Variants in PSMA7 observed in about 807,000 individuals in gnomAD.
PSMA7 encodes proteasome 20S subunit alpha 7.
PSMA7 carries 5 observed loss-of-function variants against 31.3 expected under a neutral mutation model. The ratio of observed to expected loss-of-function variants is 0.16; its 90% confidence interval spans 0.08 to 0.34. The LOEUF (loss-of-function observed/expected upper bound fraction) is 0.34. PSMA7 is among the 10% of genes least tolerant of loss of function. The pLI, the probability that PSMA7 is intolerant of heterozygous loss-of-function variation, is 1.00. For synonymous variants in PSMA7, 155 were observed against 121.9 expected (o/e 1.27, Z -1.79); for missense variants, 217 against 327.5 (o/e 0.66, Z 2.60).
chr20:62,139,083 C>A lies in PSMA7; in HGVS notation c.463G>T (p.Ala155Ser). The A allele has an allele frequency of 6.8e-6, 11 of 1,613,926 alleles. No homozygotes were observed. The highest frequency in any genetic ancestry group is 9.3e-6 in the Non-Finnish European group (11 of 1,179,896). ...CTTTGTCACGAACTCACCTTCCAGG[C>A]ATGGTATGTGCCCGAGGGGTCAGTC... ...YQTDPSGTYH[A>S]WKANAIGRGA... Residue 155 changes from alanine (A) to serine (S), a missense_variant, in exon 4 of 7, where the codon GCC (alanine) becomes TCC (serine). Ala to Ser is a moderately conservative substitution (Grantham distance 99). Around this residue, in one of 3 missense-constraint regions of PSMA7, gnomAD observed 88 missense variants for 111.6 expected, o/e 0.79. Coordinates refer to ENST00000370873, the MANE Select transcript of PSMA7 (RefSeq NM_002792.4).
Position 62,143,268 on chromosome 20 carries a change from G to A in PSMA7, c.36C>T (p.Pro12=), listed in dbSNP as rs1267992373. The change falls in exon 1 of 7, where the codon CCC becomes CCT. Residue 12 remains proline, a synonymous_variant. Coordinates refer to ENST00000370873, the MANE Select transcript of PSMA7 (RefSeq NM_002792.4). ...ACTCCACTTGGAAGAGGTGGCCGTCGGGCGAGAAGACGGTGATGGCGCGGT... is the reference window on the plus strand; with the variant it reads ...ACTCCACTTGGAAGAGGTGGCCGTCAGGCGAGAAGACGGTGATGGCGCGGT... The part of the protein sequence containing the change: ...SYDRAITVFS[P]DGHLFQVEYA... The A allele has an allele frequency of 6.8e-7, 1 of 1,478,406 alleles. No individual in the cohort carries two copies. The highest frequency in any genetic ancestry group is 1.2e-5 in the South Asian group (1 of 83,870). 91.6% of individuals were successfully genotyped at this position (1,478,406 alleles called of 1,614,324 possible).
At chr20:62,137,277 T>C (rs2056901009) in intron 6 of PSMA7, 87 bp downstream of exon 6, 2 of 1,330,430 alleles carry the variant, frequency 1.5e-6, no homozygotes, top group Admixed American at 3.7e-5. Context: ...AATGGCCCTA[T>C]GATGTTTCCT....
At position 62,136,830 on chromosome 20, in the gene PSMA7, A is replaced by G; in HGVS notation, c.*27T>C. On this transcript the variant is annotated 3_prime_UTR_variant, in exon 7 of 7. Coordinates refer to ENST00000370873, the MANE Select transcript of PSMA7 (RefSeq NM_002792.4). ...TCATCCATGATTGATATGAATTTAA[A>G]AATTACAAGCAAAGACATTTTATTC... The G allele has an allele frequency of 1.9e-6, 3 of 1,583,196 alleles. No homozygotes were observed. Among genetic ancestry groups the G allele is most frequent in the Non-Finnish European group, 1.7e-6 (2 of 1,170,156 alleles).
intron 1 of PSMA7, among the ~76,000 whole-genome samples, chr20:62,141,749 G>A (rs772075293): frequency 6.6e-6 from 1 of 152,224 alleles, no homozygotes; most frequent in East Asian, 1.9e-4. Context: ...CCATGAGAAG[G>A]GGCCTGATTT....
chr20:62,141,044 T>C, intron 1 of PSMA7, 100 bp from the exon 2 acceptor site: 2 of 1,437,020 alleles, frequency 1.4e-6, no homozygotes, highest in East Asian at 2.3e-5. Context: ...CTGAGGTGGG[T>C]GGATGACTTA....
Position 62,136,843 on chromosome 20 carries a change from A to G in PSMA7, c.*14T>C. The G allele has an allele frequency of 6.3e-7, 1 of 1,587,728 alleles. No homozygotes were observed. On this transcript the variant is annotated 3_prime_UTR_variant, in exon 7 of 7. Coordinates refer to ENST00000370873, the MANE Select transcript of PSMA7 (RefSeq NM_002792.4). ...ATATGAATTTAAAAATTACAAGCAA[A>G]GACATTTTATTCATCATGATGCTTT...
At chr20:62,137,940 AC>A (rs1158934722) in intron 5 of PSMA7, among the ~76,000 whole-genome samples, 3 of 152,114 alleles carry the variant, frequency 2.0e-5, no homozygotes, top group Non-Finnish European at 4.4e-5. Context: ...TCCCTGCACA[AC>A]CCTCAGCTGC....
At chr20:62,138,495 G>A (rs1426808453) in intron 4 of PSMA7, among the ~76,000 whole-genome samples, 1 of 151,878 alleles carries the variant, frequency 6.6e-6, no homozygotes, top group Non-Finnish European at 1.5e-5. Flanking sequence ...GATTCTTACC[G>A]AGAATGGGGT....
In PSMA7 at chr20:62,139,923, A is replaced by G. The variant is rs767424208; in HGVS notation, c.224-18T>C. ...GGTGAGGCCTGCAAGGAAAGCAGAGAGGCTTCTGCTAGAGAGACAGCACAA... is the reference window on the plus strand; with the variant it reads ...GGTGAGGCCTGCAAGGAAAGCAGAGGGGCTTCTGCTAGAGAGACAGCACAA... On this transcript the variant is annotated intron_variant, in intron 2 of 6. Transcript: ENST00000370873. The G allele has an allele frequency of 6.2e-7, 1 of 1,611,540 alleles. No individual in the cohort carries two copies. The highest frequency in any genetic ancestry group is 1.1e-5 in the South Asian group (1 of 90,998).
In PSMA7 at chr20:62,137,661, T is replaced by A. The variant is rs535795241; in HGVS notation, c.592-235A>T. Reference sequence around the variant, plus strand: ...ACTGGGACTCCTCTCTCCTGCACAGTAGCGCTGCTCCAGGCCCTCCTCTTG... The same window carrying A: ...ACTGGGACTCCTCTCTCCTGCACAGAAGCGCTGCTCCAGGCCCTCCTCTTG... On this transcript the variant is annotated intron_variant, in intron 5 of 6. Coordinates refer to ENST00000370873, the MANE Select transcript of PSMA7 (RefSeq NM_002792.4). Among the ~76,000 whole-genome samples the A allele has an allele frequency of 5.1e-4, 78 of 152,306 alleles. 3 individuals carry two copies. The South Asian group carries it at 0.016, about 31-fold the overall frequency.
chr20:62,137,064 G>C (rs1156959653), intron 6 of PSMA7, 115 bp from the exon 7 acceptor site: 1 of 1,402,972 alleles, frequency 7.1e-7, no homozygotes, highest in East Asian at 2.3e-5. Context: ...CCTCTTTGGA[G>C]AGGAACCTCA....
chr20:62,140,514 C>T (rs1379086212), intron 2 of PSMA7, among the ~76,000 whole-genome samples: 7 of 152,214 alleles, frequency 4.6e-5, no homozygotes, highest in Non-Finnish European at 1.5e-5. Context: ...ATGCAGTTAG[C>T]TCTAGAAAGT....
chr20:62,140,900 C>T lies in PSMA7; in HGVS notation c.141G>A (p.Lys47=). 1.2e-6 allele frequency: 2 copies of T among 1,614,210 alleles called. No individual in the cohort carries two copies. The highest frequency in any genetic ancestry group is 1.1e-5 in the South Asian group (1 of 91,084). Residue 47 remains lysine, a synonymous_variant, in exon 2 of 7, where the codon AAG becomes AAA. Coordinates refer to ENST00000370873, the MANE Select transcript of PSMA7 (RefSeq NM_002792.4). ...CATCCTGCAGTTTGGCCACTGACTT[C>T]TTCTCCACACCAAGAACAACAATGT... ...GRDIVVLGVE[K]KSVAKLQDER...
chr20:62,142,094 A>C (rs2056932824), intron 1 of PSMA7, among the ~76,000 whole-genome samples: 1 of 152,200 alleles, frequency 6.6e-6, no homozygotes, highest in Non-Finnish European at 1.5e-5. Context: ...ACACACTGCC[A>C]GTGGCTCCGT....
At chr20:62,137,115 A>AAGCAGCAGT (rs2056899323) in intron 6 of PSMA7, among the ~76,000 whole-genome samples, 166 bp from the exon 7 acceptor site, 1 of 79,406 alleles carries the variant, frequency 1.3e-5, no homozygotes, top group South Asian at 5.0e-4. Context: ...GACAAGTATT[A>AAGCAGCAGT]AGCAGCAGTA....
In PSMA7 at chr20:62,143,247, C is replaced by T. The variant is rs2056951867; in HGVS notation, c.57G>A (p.Val19=). 3.4e-6 allele frequency: 5 copies of T among 1,480,624 alleles called. No homozygotes were observed. Among genetic ancestry groups the T allele is most frequent in the East Asian group, 3.0e-5 (1 of 33,404 alleles). The allele number at this position is 1,480,624 out of a possible 1,614,324, so 91.7% of individuals were successfully genotyped here. Residue 19 remains valine, a synonymous_variant, in exon 1 of 7, where the codon GTG becomes GTA. Transcript: ENST00000370873. The part of the protein sequence containing the change: ...VFSPDGHLFQ[V]EYAQEAVKKG... The stretch of plus-strand genomic sequence containing the variant: ...TCTTGACGGCCTCCTGCGCGTACTC[C>T]ACTTGGAAGAGGTGGCCGTCGGGCG...
intron 6 of PSMA7, 115 bp downstream of exon 6, chr20:62,137,249 C>G (rs1047019084): frequency 3.8e-5 from 43 of 1,133,586 alleles, no homozygotes; most frequent in Non-Finnish European, 5.5e-5. Context: ...AGACATTTTC[C>G]TAATGTTAAA....
rs1317439193 is a variant in PSMA7, at chr20:62,143,312, G to A, written c.-9C>T. 1.4e-6 allele frequency: 2 copies of A among 1,400,190 alleles called. No homozygotes were observed. The highest frequency in any genetic ancestry group is 1.5e-5 in the African/African-American group (1 of 65,998). 86.7% of individuals were successfully genotyped at this position (1,400,190 alleles called of 1,614,324 possible). Reference sequence around the variant, plus strand: ...GCGCGGTCGTAGCTCATGCCGGCGGGCGGCGGCCGGGCTCCTTCCGCCGCG... The same window carrying A: ...GCGCGGTCGTAGCTCATGCCGGCGGACGGCGGCCGGGCTCCTTCCGCCGCG... On this transcript the variant is annotated 5_prime_UTR_variant, in exon 1 of 7. Transcript: ENST00000370873.
At chr20:62,138,645 C>G (rs1383300208) in intron 4 of PSMA7, among the ~76,000 whole-genome samples, 1 of 147,736 alleles carries the variant, frequency 6.8e-6, no homozygotes, top group Admixed American at 6.8e-5. Context: ...ACCTATGCCT[C>G]TCGGGTTCAA....
Sources: allele counts gnomAD v4.1 joint callset (sites outside exome capture counted in the v4.1 genomes callset), GRCh38; gene constraint gnomAD v4.1.1; regional missense constraint gnomAD v4.1.1; transcripts MANE v1.5; gene names NCBI Gene and HGNC (gene_info 2026-07-23, HGNC 2026-07-21).